CREM: variants seen among roughly 807,000 people sequenced by gnomAD.
The protein encoded by CREM is cAMP responsive element modulator, also known as cAMP-responsive element modulator.
In CREM, 13 loss-of-function variants were observed where a neutral mutation model predicts 37.3. The ratio of observed to expected loss-of-function variants is 0.35; its 90% CI spans 0.23 to 0.55. The LOEUF (loss-of-function observed/expected upper bound fraction) is 0.55. CREM is among the 20% of genes least tolerant of loss of function. The pLI, the probability that CREM is intolerant of heterozygous loss-of-function variation, is 0.88. For missense variants in CREM, 296 were observed against 362.3 expected (o/e 0.82, Z 1.49); for synonymous variants, 124 against 120.2 (o/e 1.03, Z -0.21).
At chr10:35,177,655 G>A (rs1429409089) in intron 3 of CREM, among the ~76,000 whole-genome samples, 3 of 152,310 alleles carry the variant, frequency 2.0e-5, no homozygotes, top group South Asian at 2.1e-4. Context: ...TTAAGTGAAC[G>A]ATTTAATTGT....
chr10:35,151,536 C>G (rs954693119), intron 3 of CREM, among the ~76,000 whole-genome samples: 60 of 152,102 alleles, frequency 3.9e-4, no homozygotes, highest in African/African-American at 1.2e-3. Flanking sequence ...CCACCACGCC[C>G]AACTGATTTT....
At chr10:35,172,163 A>G (rs1394746321) in intron 3 of CREM, among the ~76,000 whole-genome samples, 2 of 152,158 alleles carry the variant, frequency 1.3e-5, no homozygotes. Flanking sequence ...GTTATAAAGC[A>G]TAATTTCTAT....
At chr10:35,133,180 C>A (rs967223094) in intron 1 of CREM, among the ~76,000 whole-genome samples, 12 of 152,186 alleles carry the variant, frequency 7.9e-5, no homozygotes, top group African/African-American at 2.9e-4. Flanking sequence ...TTACAGTTTA[C>A]ATTTTTGGGT....
At chr10:35,132,201 C>CAAA (rs374078423) in intron 1 of CREM, among the ~76,000 whole-genome samples, 64 of 49,190 alleles carry the variant, frequency 1.3e-3, no homozygotes, top group African/African-American at 3.8e-3. Flanking sequence ...ACTTGAGTCT[C>CAAA]AAAAAAAAAA....
At chr10:35,202,910 T>C (rs2095419991) in intron 6 of CREM, among the ~76,000 whole-genome samples, 1 of 152,230 alleles carries the variant, frequency 6.6e-6, no homozygotes, top group Non-Finnish European at 1.5e-5. Context: ...TTTTTAAGAA[T>C]TCTTATTTTG....
chr10:35,142,090 G>A (rs913043903), intron 2 of CREM, among the ~76,000 whole-genome samples: 1 of 152,190 alleles, frequency 6.6e-6, no homozygotes, highest in Non-Finnish European at 1.5e-5. Context: ...TATGTGGGAT[G>A]TGAAGTAACG....
chr10:35,184,676 C>T (rs1264508816), intron 5 of CREM, among the ~76,000 whole-genome samples: 2 of 152,024 alleles, frequency 1.3e-5, no homozygotes, highest in African/African-American at 4.8e-5. Context: ...ATGACTTCCC[C>T]AGAAAATAAA....
At chr10:35,147,120 G>A (rs941398237) in intron 2 of CREM, among the ~76,000 whole-genome samples, 1 of 142,088 alleles carries the variant, frequency 7.0e-6, no homozygotes, top group African/African-American at 2.6e-5. Context: ...GCGCAATCTC[G>A]GCTCACTGCA....
chr10:35,186,846 G>T (rs185339920), intron 5 of CREM, among the ~76,000 whole-genome samples: 1 of 107,400 alleles, frequency 9.3e-6, no homozygotes, highest in South Asian at 2.6e-4. Flanking sequence ...GTATATATAC[G>T]TATATATGTT....
intron 1 of CREM, among the ~76,000 whole-genome samples, chr10:35,134,083 G>A (rs553272285): frequency 1.4e-5 from 2 of 143,702 alleles, no homozygotes; most frequent in African/African-American, 2.6e-5. Flanking sequence ...AGACAGCTCT[G>A]TTGCCCTGGC....
chr10:35,145,774 C>A, intron 2 of CREM, among the ~76,000 whole-genome samples: 1 of 43,768 alleles, frequency 2.3e-5, no homozygotes, highest in Non-Finnish European at 4.6e-5. Context: ...GAGACTCTGC[C>A]TCAAAAAAAA....
At chr10:35,142,170 A>G (rs531076863) in intron 2 of CREM, among the ~76,000 whole-genome samples, 2 of 152,332 alleles carry the variant, frequency 1.3e-5, no homozygotes, top group East Asian at 3.9e-4. Flanking sequence ...TCAAGGGAAT[A>G]GCTCGAGAGA....
intron 5 of CREM, among the ~76,000 whole-genome samples, chr10:35,182,570 A>G (rs2094397103): frequency 6.6e-6 from 1 of 152,226 alleles, no homozygotes; most frequent in South Asian, 2.1e-4. Flanking sequence ...ATGTGTATCA[A>G]AGTTGAAGAA....
intron 1 of CREM, among the ~76,000 whole-genome samples, chr10:35,134,090 T>C (rs1236152030): frequency 6.7e-6 from 1 of 150,140 alleles, no homozygotes; most frequent in Non-Finnish European, 1.5e-5. Flanking sequence ...TCTGTTGCCC[T>C]GGCTGGAGTG....
In CREM at chr10:35,211,950, G is replaced by A. The variant is rs147430302; in HGVS notation, c.*552G>A. ...ACATTCCTAAAATGCTTCACTGTAC[G>A]TAGTTAAGTCGTAGCTATAACTTCA... On this transcript the variant is annotated 3_prime_UTR_variant, in exon 8 of 8. Transcript: ENST00000685392. 1.1e-4 allele frequency: 82 copies of A among 780,400 alleles called. No homozygotes were observed. Among genetic ancestry groups the A allele is most frequent in the East Asian group, 1.8e-4 (6 of 33,450 alleles). The allele number at this position is 780,400 out of a possible 1,614,324, so 48.3% of individuals were successfully genotyped here. A position where few individuals can be genotyped will look rare whatever the true frequency, so the allele number is the denominator to read the frequency against.
At chr10:35,168,235 A>G (rs1233038861) in intron 3 of CREM, among the ~76,000 whole-genome samples, 5 of 152,096 alleles carry the variant, frequency 3.3e-5, no homozygotes, top group South Asian at 2.1e-4. Context: ...AAGTGTTCCT[A>G]TTTCTCCACA....
At chr10:35,204,014 C>G (rs1381645037) in intron 6 of CREM, among the ~76,000 whole-genome samples, 2 of 152,150 alleles carry the variant, frequency 1.3e-5, no homozygotes, top group African/African-American at 2.4e-5. Flanking sequence ...ACCAGCTGTT[C>G]TATTGTTTCA....
chr10:35,167,593 C>T (rs2093614833), intron 3 of CREM: 1 of 818,224 alleles, frequency 1.2e-6, no homozygotes, highest in South Asian at 1.6e-5. Flanking sequence ...TGTTACAACA[C>T]TGTGAGGTTT....
rs372676813 is a variant in CREM, at chr10:35,195,261, T to C, written c.598+6873T>C. 95 of 1,610,324 alleles carry C rather than the reference T, an allele frequency of 5.9e-5. No homozygotes were observed. The African/African-American group carries it at 8.8e-4, about 15-fold the overall frequency. On this transcript the variant is annotated intron_variant, in intron 6 of 7. Transcript: ENST00000685392. ...TTTCAGTTAATTGTGCAGATTGTTT[T>C]GAAGTTTAGGAAGTATTCAGGAACA...
Sources: allele counts gnomAD v4.1 joint callset (sites outside exome capture counted in the v4.1 genomes callset), GRCh38; gene constraint gnomAD v4.1.1; transcripts MANE v1.5; gene names NCBI Gene and HGNC (gene_info 2026-07-23, HGNC 2026-07-21).